The following GRK5 variants were observed in gnomAD, a reference collection of about 807,000 sequenced individuals.
GRK5 encodes G protein-coupled receptor kinase 5, also known as g protein-coupled receptor kinase GRK5.
Under a neutral mutation model 78.4 loss-of-function variants are expected in GRK5, and 40 were observed. That is an observed-to-expected ratio of 0.51 (90% confidence interval 0.40 to 0.66). GRK5 has a LOEUF of 0.66. Among genes scored for constraint, GRK5 ranks in the 30% least tolerant of loss-of-function variants. GRK5 has a pLI of 0.00. For synonymous variants in GRK5, 289 were observed against 296.8 expected (o/e 0.97, Z 0.27); for missense variants, 598 against 759.9 (o/e 0.79, Z 2.50).
At chr10:119,315,510 G>A (rs1443634088) in intron 1 of GRK5, among the ~76,000 whole-genome samples, 1 of 152,088 alleles carries the variant, frequency 6.6e-6, no homozygotes, top group African/African-American at 2.4e-5. Flanking sequence ...TAGACACAGG[G>A]GTAACCCATT....
chr10:119,282,525 A>G (rs1422169096), intron 1 of GRK5, among the ~76,000 whole-genome samples: 1 of 152,176 alleles, frequency 6.6e-6, no homozygotes, highest in South Asian at 2.1e-4. Context: ...CTCCTAGACC[A>G]GGGTCGGGTT....
At chr10:119,345,092 C>G (rs1055107796) in intron 2 of GRK5, among the ~76,000 whole-genome samples, 7 of 152,058 alleles carry the variant, frequency 4.6e-5, no homozygotes, top group Non-Finnish European at 1.0e-4. Context: ...CCTCAGCCTC[C>G]CGAGTAGCTG....
At chr10:119,451,650 C>T (rs148393756) in intron 13 of GRK5, among the ~76,000 whole-genome samples, 9 of 152,338 alleles carry the variant, frequency 5.9e-5, no homozygotes, top group Non-Finnish European at 1.2e-4. Flanking sequence ...CACCCCTGCC[C>T]GCACCCCTGC....
At chr10:119,285,660 C>T (rs1387796402) in intron 1 of GRK5, among the ~76,000 whole-genome samples, 1 of 152,144 alleles carries the variant, frequency 6.6e-6, no homozygotes, top group Non-Finnish European at 1.5e-5. Context: ...TTCTTAAAAG[C>T]CCGCACTGGG....
intron 1 of GRK5, among the ~76,000 whole-genome samples, chr10:119,289,009 C>A (rs953287897): frequency 4.0e-5 from 6 of 150,968 alleles, no homozygotes; most frequent in Non-Finnish European, 7.3e-5. Context: ...AAAAAACATG[C>A]CTTTTCCCCC....
chr10:119,247,859 A>G (rs939217642), intron 1 of GRK5, among the ~76,000 whole-genome samples: 1 of 152,150 alleles, frequency 6.6e-6, no homozygotes, highest in Non-Finnish European at 1.5e-5. Flanking sequence ...TTCAAATTAT[A>G]GGGGCACATA....
intron 4 of GRK5, among the ~76,000 whole-genome samples, chr10:119,408,081 C>G (rs1264098105): frequency 1.4e-5 from 2 of 147,028 alleles, no homozygotes; most frequent in Non-Finnish European, 3.0e-5. Flanking sequence ...GAGAATCGCT[C>G]GAACCCAGGA....
chr10:119,260,262 A>G (rs2133651419), intron 1 of GRK5, among the ~76,000 whole-genome samples: 1 of 152,244 alleles, frequency 6.6e-6, no homozygotes, highest in Non-Finnish European at 1.5e-5. Context: ...CGGCCTCCCA[A>G]AGTGCTGGGA....
chr10:119,410,349 T>C (rs1288403752), intron 4 of GRK5, among the ~76,000 whole-genome samples: 2 of 152,200 alleles, frequency 1.3e-5, no homozygotes, highest in Non-Finnish European at 2.9e-5. Context: ...AGCGCACTTC[T>C]TCCTTATTTC....
chr10:119,441,714 C>A (rs563746681), intron 10 of GRK5, among the ~76,000 whole-genome samples: 1 of 152,318 alleles, frequency 6.6e-6, no homozygotes, highest in South Asian at 2.1e-4. Flanking sequence ...TCCAGGAAGC[C>A]CATTCAGCCT....
rs151266634 is a variant in GRK5 at position 119,269,377 on chromosome 10, C to T, written c.53-57139C>T. On this transcript the variant is annotated intron_variant, in intron 1 of 15. Coordinates refer to ENST00000392870, the MANE Select transcript of GRK5 (RefSeq NM_005308.3). ...CATGGAAGGGGTTTCCTGAGGACGT[C>T]CTATAGTCCCTGAACATGCAGCCGA... 3.2e-3 allele frequency among the ~76,000 whole-genome samples: 485 copies of T among 152,210 alleles called. 1 individual carries two copies. The highest frequency in any genetic ancestry group is 0.011 in the African/African-American group (448 of 41,524).
At chr10:119,255,049 AAAAAAAAAGAAGG>A (rs1218040529) in intron 1 of GRK5, among the ~76,000 whole-genome samples, 1 of 150,202 alleles carries the variant, frequency 6.7e-6, no homozygotes, top group Non-Finnish European at 1.5e-5. Context: ...AAAAAAAAAA[AAAAAAAAAGAAGG>A]AAAAACAGAG....
chr10:119,445,834 G>A lies in GRK5; in HGVS notation c.1266+2082G>A, dbSNP rs1235914164. ...TGGCTCCAGCCCTGCCTGCCTAAGA[G>A]GGTCCCTCCACAATCAGTGAGGAAG... On this transcript the variant is annotated intron_variant, in intron 12 of 15. Transcript: ENST00000392870. The surrounding 1 kb of genome is among the most constrained non-coding windows in gnomAD (Gnocchi z 4.1). Among the ~76,000 whole-genome samples the A allele has an allele frequency of 6.6e-6, 1 of 152,132 alleles. No individual in the cohort carries two copies. Among genetic ancestry groups the A allele is most frequent in the Middle Eastern group, 3.2e-3 (1 of 316 alleles).
chr10:119,293,191 G>A (rs1333376721), intron 1 of GRK5, among the ~76,000 whole-genome samples: 10 of 152,216 alleles, frequency 6.6e-5, no homozygotes, highest in African/African-American at 2.4e-4. Flanking sequence ...TGAAACAGGT[G>A]GAGGACATAT....
In GRK5 at chr10:119,238,455, G is replaced by A. The variant is rs1295036840; in HGVS notation, c.52+30486G>A. Among the ~76,000 whole-genome samples, 2 of 152,102 alleles carry A rather than the reference G, an allele frequency of 1.3e-5. No individual in the cohort carries two copies. Among genetic ancestry groups the A allele is most frequent in the African/African-American group, 4.8e-5 (2 of 41,406 alleles). Reference sequence around the variant, plus strand: ...TGGTCTCCCCAGCCTTCTTTGTTCTGATACTACACACCCCACCCCTCAACC... The same window carrying A: ...TGGTCTCCCCAGCCTTCTTTGTTCTAATACTACACACCCCACCCCTCAACC... On this transcript the variant is annotated intron_variant, in intron 1 of 15. Transcript: ENST00000392870. The surrounding 1 kb of genome is among the most constrained non-coding windows in gnomAD (Gnocchi z 4.7).
chr10:119,436,238 C>A (rs184311752), intron 8 of GRK5, among the ~76,000 whole-genome samples: 30 of 152,372 alleles, frequency 2.0e-4, no homozygotes, highest in African/African-American at 7.0e-4. Flanking sequence ...CTCCAGCTCA[C>A]CCTTACTTGG....
intron 4 of GRK5, among the ~76,000 whole-genome samples, chr10:119,421,046 C>T (rs1370504268): frequency 6.6e-6 from 1 of 152,238 alleles, no homozygotes; most frequent in Non-Finnish European, 1.5e-5. Flanking sequence ...CTCCCCATGG[C>T]CCACCCTGCT....
At chr10:119,275,643 AC>A in intron 1 of GRK5, among the ~76,000 whole-genome samples, 1 of 151,774 alleles carries the variant, frequency 6.6e-6, no homozygotes, top group Non-Finnish European at 1.5e-5. Context: ...ACACACACAC[AC>A]ACAGAGTAAT....
intron 15 of GRK5, among the ~76,000 whole-genome samples, chr10:119,454,317 G>A (rs1264218551): frequency 1.3e-5 from 2 of 152,146 alleles, no homozygotes; most frequent in African/African-American, 2.4e-5. Context: ...GGCAACTTAC[G>A]GAACCTCTCC....
Sources: gnomAD v4.1 joint callset for allele counts (sites outside exome capture counted in the v4.1 genomes callset) on GRCh38, gnomAD v4.1.1 for gene constraint, Gnocchi (gnomAD v3.1) non-coding constraint, MANE v1.5 for transcripts, NCBI Gene and HGNC (gene_info 2026-07-23, HGNC 2026-07-21) for gene names.